The following MSH3 variants were observed in gnomAD, a reference collection of about 807,000 sequenced individuals.
MSH3 encodes the protein DNA mismatch repair protein Msh3.
MSH3 carries 106 observed loss-of-function variants against 123.3 expected under a neutral mutation model. The observed-to-expected ratio is 0.86, with a 90% CI of 0.73 to 1.01. The LOEUF (loss-of-function observed/expected upper bound fraction) is 1.01, where lower values mean the gene tolerates loss of function less well. Among genes scored for constraint, MSH3 ranks in the 50% least tolerant of loss-of-function variants. The pLI is 0.00. For synonymous variants in MSH3, 515 were observed against 481.4 expected (o/e 1.07, Z -0.91); for missense variants, 1,459 against 1,347.6 (o/e 1.08, Z -1.29).
chr5:80,728,510 C>T (rs567286056), intron 9 of MSH3, among the ~76,000 whole-genome samples: 1 of 152,166 alleles, frequency 6.6e-6, no homozygotes, highest in Non-Finnish European at 1.5e-5. Flanking sequence ...TTTAAGTCAC[C>T]TTCTGGTACA....
At chr5:80,689,289 T>C (rs1179256179) in intron 8 of MSH3, among the ~76,000 whole-genome samples, 1 of 152,222 alleles carries the variant, frequency 6.6e-6, no homozygotes, top group African/African-American at 2.4e-5. Flanking sequence ...GCTTATACTT[T>C]ATTTAGATGT....
chr5:80,797,998 G>A (rs914208708), intron 19 of MSH3, among the ~76,000 whole-genome samples: 3 of 151,992 alleles, frequency 2.0e-5, no homozygotes, highest in Non-Finnish European at 2.9e-5. Flanking sequence ...AGTTAAAGTC[G>A]GGGTTTTCAG....
In MSH3 at chr5:80,660,447, G is replaced by A. The variant is rs549970415; in HGVS notation, c.358+3916G>A. Among the ~76,000 whole-genome samples the A allele has an allele frequency of 3.0e-4, 46 of 152,276 alleles. 1 individual carries two copies. In the South Asian group the frequency reaches 3.3e-3, roughly 11 times the overall value. On this transcript the variant is annotated intron_variant, in intron 2 of 23. Transcript: ENST00000265081. Reference sequence around the variant, plus strand: ...TCTCACTGGGTCCCTACCACAACACGTGGGAATTCTGGGAGATAAAATTCA... The same window carrying A: ...TCTCACTGGGTCCCTACCACAACACATGGGAATTCTGGGAGATAAAATTCA...
chr5:80,796,451 A>G (rs1190201694), intron 19 of MSH3, among the ~76,000 whole-genome samples: 1 of 151,926 alleles, frequency 6.6e-6, no homozygotes. Context: ...TTGATATAGA[A>G]CTGTTGCTAT....
intron 10 of MSH3, among the ~76,000 whole-genome samples, chr5:80,740,769 C>T (rs984768342): frequency 1.3e-5 from 2 of 148,802 alleles, no homozygotes; most frequent in African/African-American, 2.5e-5. Context: ...GGTTGGAGTG[C>T]AGTGGCGTGA....
intron 8 of MSH3, 134 bp downstream of exon 8, chr5:80,679,227 T>TA (rs898708277): frequency 3.2e-3 from 2,702 of 856,024 alleles, no homozygotes; most frequent in Middle Eastern, 4.8e-3. Context: ...AGTGGAAATT[T>TA]AAAAAAAAAA....
In MSH3 at chr5:80,792,435, GA is replaced by G. The variant is rs527354423; in HGVS notation, c.2544-290del. On this transcript the variant is annotated intron_variant, in intron 18 of 23. Transcript: ENST00000265081. The stretch of plus-strand genomic sequence containing the variant: ...CTTAAAAAAAAAAAAAGAAAGAAAA[GA>G]AAAAAAAGATCTTGTAAAGGTAAAC... 3.5e-3 allele frequency among the ~76,000 whole-genome samples: 530 copies of G among 149,926 alleles called. 2 individuals carry two copies. Among genetic ancestry groups the G allele is most frequent in the African/African-American group, 0.012 (508 of 40,930 alleles).
At chr5:80,846,876 G>A (rs1437434514) in intron 20 of MSH3, among the ~76,000 whole-genome samples, 1 of 152,180 alleles carries the variant, frequency 6.6e-6, no homozygotes, top group Non-Finnish European at 1.5e-5. Context: ...CTTCCCAGGT[G>A]AGGCAACGCC....
At chr5:80,723,098 TAAATA>T (rs1229080644) in intron 8 of MSH3, among the ~76,000 whole-genome samples, 1 of 87,338 alleles carries the variant, frequency 1.1e-5, no homozygotes, top group East Asian at 1.2e-3. Flanking sequence ...TGTCTAAAAA[TAAATA>T]AATAAATAAA....
At chr5:80,866,600 C>T (rs1268783214) in intron 22 of MSH3, among the ~76,000 whole-genome samples, 4 of 152,124 alleles carry the variant, frequency 2.6e-5, no homozygotes, top group Non-Finnish European at 5.9e-5. Context: ...AAGTAATATC[C>T]GTATTTTCAT....
intron 12 of MSH3, among the ~76,000 whole-genome samples, chr5:80,757,303 C>T (rs1424523764): frequency 6.6e-6 from 1 of 152,056 alleles, no homozygotes; most frequent in Non-Finnish European, 1.5e-5. Context: ...CCCTGTTGCA[C>T]TCTCAAATAC....
intron 9 of MSH3, among the ~76,000 whole-genome samples, chr5:80,728,473 G>GTT (rs965292790): frequency 6.6e-6 from 1 of 151,448 alleles, no homozygotes; most frequent in Non-Finnish European, 1.5e-5. Context: ...GTGGTCTCTA[G>GTT]TTTTTTTTTA....
At chr5:80,758,602 G>A (rs1280141151) in intron 12 of MSH3, among the ~76,000 whole-genome samples, 1 of 152,156 alleles carries the variant, frequency 6.6e-6, no homozygotes, top group Non-Finnish European at 1.5e-5. Context: ...CTGATTGATA[G>A]TGAACATACT....
intron 8 of MSH3, among the ~76,000 whole-genome samples, chr5:80,723,331 A>G (rs540410021): frequency 6.6e-6 from 1 of 152,250 alleles, no homozygotes; most frequent in Admixed American, 6.5e-5. Flanking sequence ...CCAGTGGAAC[A>G]GCATGGAGAA....
chr5:80,765,364 A>G (rs1744104683), intron 13 of MSH3, among the ~76,000 whole-genome samples: 1 of 152,158 alleles, frequency 6.6e-6, no homozygotes, highest in Non-Finnish European at 1.5e-5. Flanking sequence ...TTTCACATTT[A>G]TTTAAACAGT....
At chr5:80,790,266 G>T (rs1163622375) in intron 18 of MSH3, among the ~76,000 whole-genome samples, 2 of 152,134 alleles carry the variant, frequency 1.3e-5, no homozygotes, top group Non-Finnish European at 2.9e-5. Flanking sequence ...TTGAAAATCT[G>T]ACAAGAAGTG....
intron 19 of MSH3, among the ~76,000 whole-genome samples, chr5:80,795,971 G>A (rs1744692839): frequency 6.7e-6 from 1 of 148,314 alleles, no homozygotes; most frequent in African/African-American, 2.5e-5. Context: ...GCAACAGAGT[G>A]AGACTGTCTC....
intron 15 of MSH3, among the ~76,000 whole-genome samples, chr5:80,774,429 T>C (rs1387873037): frequency 6.6e-6 from 1 of 150,582 alleles, no homozygotes; most frequent in Non-Finnish European, 1.5e-5. Flanking sequence ...AAAATAGAGC[T>C]ACCATATGAT....
At chr5:80,747,640 G>A (rs1743746275) in intron 12 of MSH3, among the ~76,000 whole-genome samples, 1 of 152,080 alleles carries the variant, frequency 6.6e-6, no homozygotes, top group South Asian at 2.1e-4. Context: ...TTAGTCAGTG[G>A]CTCAGCTATA....
Sources: gnomAD v4.1 joint callset for allele counts (sites outside exome capture counted in the v4.1 genomes callset) on GRCh38, gnomAD v4.1.1 for gene constraint, MANE v1.5 for transcripts, NCBI Gene and HGNC (gene_info 2026-07-23, HGNC 2026-07-21) for gene names.